Variants in RGMA observed in about 807,000 individuals in gnomAD.
RGMA encodes the protein repulsive guidance molecule BMP co-receptor a, also known as repulsive guidance molecule A.
RGMA carries 10 observed loss-of-function variants against 23.2 expected under a neutral mutation model. That is an observed-to-expected ratio of 0.43 (90% CI 0.27 to 0.73). The LOEUF (loss-of-function observed/expected upper bound fraction) is 0.73, where lower values mean the gene tolerates loss of function less well. Ranked by LOEUF, RGMA falls within the 30% of genes least tolerant of loss-of-function variation. The probability of loss-of-function intolerance (pLI) is 0.20; values close to 1 mark genes in which losing one functional copy is unlikely to be tolerated. For missense variants in RGMA, 547 were observed against 630.5 expected, an observed-to-expected ratio of 0.87 and a Z score of 1.42; for synonymous variants, 308 against 279.3, an observed-to-expected ratio of 1.10 and a Z score of -1.03.
At chr15:93,047,001 C>T (rs976234553) in intron 3 of RGMA, among the ~76,000 whole-genome samples, 4 of 152,224 alleles carry the variant, frequency 2.6e-5, no homozygotes, top group African/African-American at 7.2e-5. Flanking sequence ...CTGCAAGGGT[C>T]GGTGACATTA....
In RGMA at chr15:93,045,178, T is replaced by C. The variant is rs1166771232; in HGVS notation, c.1173A>G (p.Thr391=). ...DLLTTGDVNF[T]LAAYYALEDV... is the part of the protein sequence containing the mutation. ...CCTCCAACGCGTAGTAGGCGGCCAG[T>C]GTGAAGTTCACGTCGCCCGTGGTGA... The change falls in exon 4 of 4, where the codon ACA becomes ACG. Residue 391 remains threonine, a synonymous_variant. Coordinates refer to ENST00000329082, the MANE Select transcript of RGMA (RefSeq NM_020211.3). This position sits in a 1 kb window ranked among gnomAD's most constrained non-coding sequence, Gnocchi z 6.9. 1.2e-6 allele frequency: 2 copies of C among 1,609,276 alleles called. No homozygotes were observed. Among genetic ancestry groups the C allele is most frequent in the South Asian group, 1.1e-5 (1 of 90,198 alleles).
At chr15:93,085,602 T>G (rs1271017021) in intron 1 of RGMA, among the ~76,000 whole-genome samples, 1 of 152,252 alleles carries the variant, frequency 6.6e-6, no homozygotes, top group Non-Finnish European at 1.5e-5. Flanking sequence ...TATAATCATT[T>G]CGTAAGTTGG....
At chr15:93,055,439 G>A (rs1057423490) in intron 2 of RGMA, among the ~76,000 whole-genome samples, 2 of 152,104 alleles carry the variant, frequency 1.3e-5, no homozygotes, top group African/African-American at 2.4e-5. Context: ...GCATCTTCCC[G>A]GTGCGACTGC....
intron 2 of RGMA, among the ~76,000 whole-genome samples, chr15:93,054,578 C>T (rs2054982903): frequency 6.6e-6 from 1 of 152,206 alleles, no homozygotes; most frequent in Admixed American, 6.5e-5. Flanking sequence ...TTTGCTTCTC[C>T]TTTGCCTTCT....
intron 1 of RGMA, among the ~76,000 whole-genome samples, chr15:93,077,562 AG>A (rs1451480784): frequency 5.3e-5 from 8 of 152,258 alleles, no homozygotes; most frequent in Admixed American, 3.9e-4. Context: ...AAGTGACTCA[AG>A]CTGGACCAAT....
chr15:93,075,711 A>G (rs964647283), intron 1 of RGMA, among the ~76,000 whole-genome samples: 1 of 152,198 alleles, frequency 6.6e-6, no homozygotes, highest in Non-Finnish European at 1.5e-5. Context: ...GCCCCAGGCC[A>G]TGGGAGTTCC....
chr15:93,087,478 A>AAAAAC (rs1596110503), intron 1 of RGMA, among the ~76,000 whole-genome samples: 3 of 151,128 alleles, frequency 2.0e-5, no homozygotes, highest in East Asian at 1.9e-4. Flanking sequence ...AAAAAAAAAA[A>AAAAAC]AAAAAACCAC....
In RGMA at chr15:93,076,095, A is replaced by C. The variant is rs117127859; in HGVS notation, c.15-3064T>G. Among the ~76,000 whole-genome samples, 1,253 of 152,326 alleles carry C rather than the reference A, an allele frequency of 8.2e-3. 10 individuals are homozygous for C. Among genetic ancestry groups the C allele is most frequent in the Non-Finnish European group, 0.014 (919 of 68,022 alleles). On this transcript the variant is annotated intron_variant, in intron 1 of 3. Transcript: ENST00000329082. ...CGCCATAGAAACTCATTTAACTCAA[A>C]AGTGTAGTTGACTTCAAACAAACAG...
chr15:93,055,174 T>C (rs1408947921), intron 2 of RGMA, among the ~76,000 whole-genome samples: 3 of 152,100 alleles, frequency 2.0e-5, no homozygotes, highest in Non-Finnish European at 4.4e-5. Context: ...GAAGGAACAC[T>C]GGTCTCCTGT....
intron 2 of RGMA, among the ~76,000 whole-genome samples, chr15:93,053,909 C>A (rs1052293826): frequency 6.6e-6 from 1 of 152,098 alleles, no homozygotes; most frequent in Non-Finnish European, 1.5e-5. Flanking sequence ...TTTGAGAAGT[C>A]ATATCTTTAT....
Position 93,035,483 on chromosome 15 carries a change from G to A in RGMA, c.*9515C>T, listed in dbSNP as rs2054650912. On this transcript the variant is annotated 3_prime_UTR_variant, in exon 4 of 4. Transcript: ENST00000329082. ...CCTCTTAAGAGGAAACACCTGGGGG[G>A]ATTCTTGCTGAAGGCAGGCCAGGTG... 1 of 152,272 alleles carries A rather than the reference G, an allele frequency of 6.6e-6. No homozygotes were observed. Among genetic ancestry groups the A allele is most frequent in the Non-Finnish European group, 1.5e-5 (1 of 68,106 alleles). The allele number at this position is 152,272 out of a possible 1,614,324, so 9.4% of individuals were successfully genotyped here.
intron 3 of RGMA, among the ~76,000 whole-genome samples, chr15:93,051,005 G>A (rs912831479): frequency 6.6e-6 from 1 of 152,206 alleles, no homozygotes; most frequent in Non-Finnish European, 1.5e-5. Context: ...GGGGCACAGG[G>A]TGGAGTGTAC....
chr15:93,060,069 A>C (rs11074134), intron 2 of RGMA, among the ~76,000 whole-genome samples: 82,374 of 151,428 alleles, frequency 0.54, 22,757 homozygotes, highest in East Asian at 0.82. Flanking sequence ...AGAAAGTTAT[A>C]CCTTCTAGCT....
At chr15:93,085,370 T>C (rs1309940628) in intron 1 of RGMA, among the ~76,000 whole-genome samples, 2 of 152,270 alleles carry the variant, frequency 1.3e-5, no homozygotes, top group Admixed American at 6.5e-5. Context: ...CTATGGGAAT[T>C]GGCCTCCTTT....
intron 3 of RGMA, among the ~76,000 whole-genome samples, chr15:93,047,999 G>A (rs1171726143): frequency 2.0e-5 from 3 of 152,296 alleles, no homozygotes; most frequent in South Asian, 4.1e-4. Context: ...CTGTTCTCTG[G>A]GGCCCGGAGG....
intron 1 of RGMA, among the ~76,000 whole-genome samples, chr15:93,075,725 G>A (rs1654211132): frequency 6.6e-6 from 1 of 152,212 alleles, no homozygotes; most frequent in African/African-American, 2.4e-5. Context: ...GAGTTCCAGT[G>A]TCCCTGCCGG....
Position 93,067,586 on chromosome 15 carries a change from C to T in RGMA, c.130+5330G>A, listed in dbSNP as rs146617661. Among the ~76,000 whole-genome samples the T allele has an allele frequency of 3.9e-3, 587 of 152,192 alleles. 1 individual carries two copies. Among genetic ancestry groups the T allele is most frequent in the Non-Finnish European group, 6.0e-3 (406 of 68,006 alleles). On this transcript the variant is annotated intron_variant, in intron 2 of 3. Transcript: ENST00000329082. ...GGGGTCTGCACTGGACCCCTGTAGA[C>T]GGCACTGAGCTTGGAGTGGTGAAAC...
chr15:93,078,872 A>G (rs1895514818), intron 1 of RGMA, among the ~76,000 whole-genome samples: 1 of 152,256 alleles, frequency 6.6e-6, no homozygotes, highest in African/African-American at 2.4e-5. Flanking sequence ...ACATTTTGCA[A>G]AGACCCCAAG....
Position 93,044,882 on chromosome 15 carries a change from G to A in RGMA, c.*116C>T, listed in dbSNP as rs974329392. ...AGCCCTTGGCAGCAGGCGGTCCCTG[G>A]CGTTCTGCGGGGCCATGGTGGACAC... On this transcript the variant is annotated 3_prime_UTR_variant, in exon 4 of 4. Transcript: ENST00000329082. The A allele has an allele frequency of 1.3e-5, 11 of 854,032 alleles. No individual in the cohort carries two copies. In the African/African-American group the frequency reaches 1.9e-4, roughly 15 times the overall value. The allele number at this position is 854,032 out of a possible 1,614,324, so 52.9% of individuals were successfully genotyped here. A position where few individuals can be genotyped will look rare whatever the true frequency, so the allele number is the denominator to read the frequency against.
Sources: gnomAD v4.1 joint callset for allele counts (sites outside exome capture counted in the v4.1 genomes callset) on GRCh38, gnomAD v4.1.1 for gene constraint, Gnocchi (gnomAD v3.1) non-coding constraint, MANE v1.5 for transcripts, NCBI Gene and HGNC (gene_info 2026-07-23, HGNC 2026-07-21) for gene names.